Variants in WNT9B observed in about 807,000 individuals in gnomAD.
WNT9B encodes the protein Wnt family member 9B, also known as protein Wnt-9b.
WNT9B carries 12 observed loss-of-function variants against 30.2 expected under a neutral mutation model. That is an observed-to-expected ratio of 0.40 (90% CI 0.26 to 0.64). The LOEUF (loss-of-function observed/expected upper bound fraction) is 0.64. WNT9B is among the 30% of genes least tolerant of loss of function. The probability of loss-of-function intolerance (pLI) is 0.42; values close to 1 mark genes in which losing one functional copy is unlikely to be tolerated. For synonymous variants in WNT9B, 218 were observed against 216.9 expected (o/e 1.01, Z -0.05); for missense variants, 442 against 485.2 (o/e 0.91, Z 0.84).
rs1331523175 is a variant in WNT9B, at chr17:46,880,115, AGT to A, written c.*3399_*3400del. On this transcript the variant is annotated 3_prime_UTR_variant, in exon 4 of 4. Transcript: ENST00000290015. ...TGCATGTCCTCCTGCAGGCAGCTAG[AGT>A]GAGGGAGTCTAATGGACAGGATGCC... 6.6e-6 allele frequency among the ~76,000 whole-genome samples: 1 copy of A among 152,200 alleles called. No individual in the cohort carries two copies. Among genetic ancestry groups the A allele is most frequent in the East Asian group, 1.9e-4 (1 of 5,190 alleles).
At chr17:46,844,554 T>G (rs1428743550) in intron 1 of WNT9B, among the ~76,000 whole-genome samples, 1 of 152,102 alleles carries the variant, frequency 6.6e-6, no homozygotes, top group Non-Finnish European at 1.5e-5. Flanking sequence ...GGTGTGGTGG[T>G]GGCCGATTTC....
intron 1 of WNT9B, among the ~76,000 whole-genome samples, chr17:46,867,436 T>G (rs562087121): frequency 8.5e-5 from 13 of 152,178 alleles, no homozygotes; most frequent in Non-Finnish European, 1.6e-4. Context: ...GCTCAGTTGG[T>G]GAGGGGACAA....
upstream of WNT9B, among the ~76,000 whole-genome samples, chr17:46,849,919 C>T (rs996461696): frequency 6.7e-6 from 1 of 149,462 alleles, no homozygotes; most frequent in African/African-American, 2.5e-5. Context: ...GTGATTTCGG[C>T]TCACTGCAAC....
chr17:46,869,336 G>A (rs561013280), intron 1 of WNT9B, among the ~76,000 whole-genome samples: 1 of 152,282 alleles, frequency 6.6e-6, no homozygotes, highest in African/African-American at 2.4e-5. Context: ...GAGCTCCAAG[G>A]CAACACTGGC....
downstream of WNT9B, among the ~76,000 whole-genome samples, chr17:46,883,973 G>A (rs2085457853): frequency 6.6e-6 from 1 of 152,154 alleles, no homozygotes; most frequent in Non-Finnish European, 1.5e-5. Flanking sequence ...AGCCGTCTCA[G>A]GGGAGCTGAG....
rs1026238810 is a variant in WNT9B, at chr17:46,878,828, G to A, written c.*2110G>A. 6.6e-6 allele frequency among the ~76,000 whole-genome samples: 1 copy of A among 152,226 alleles called. No individual in the cohort carries two copies. The highest frequency in any genetic ancestry group is 2.4e-5 in the African/African-American group (1 of 41,470). The stretch of plus-strand genomic sequence containing the variant: ...TGGGAGGGCAAAGGGCAGGCTCTAA[G>A]GCATCTAGGCAGTGGCTGGCTGCTA... On this transcript the variant is annotated 3_prime_UTR_variant, in exon 4 of 4. Transcript: ENST00000290015.
Position 46,872,752 on chromosome 17 carries a change from A to G in WNT9B, c.313A>G (p.Arg105Gly), listed in dbSNP as rs145947242. ...GCGCTGGAACTGTAGCCTGGAGGGC[A>G]GGATGGGCCTGCTCAAGAGAGGTGG... ...HERWNCSLEG[R>G]MGLLKRGFKE... Residue 105 changes from arginine to glycine, a missense_variant, in exon 2 of 4, where the codon AGG (arginine) becomes GGG (glycine). Arg to Gly is a moderately radical substitution (Grantham distance 125). Transcript: ENST00000290015. 2.8e-6 allele frequency: 4 copies of G among 1,427,928 alleles called. No individual in the cohort carries two copies. Among genetic ancestry groups the G allele is most frequent in the African/African-American group, 1.5e-5 (1 of 68,810 alleles). The allele number at this position is 1,427,928 out of a possible 1,614,324, so 88.5% of individuals were successfully genotyped here.
At chr17:46,847,561 G>A (rs1461977663), upstream of WNT9B, among the ~76,000 whole-genome samples, 3 of 152,224 alleles carry the variant, frequency 2.0e-5, no homozygotes, top group African/African-American at 7.2e-5. Flanking sequence ...GGATGGGGAA[G>A]GACAGGGAGA....
chr17:46,884,601 T>C (rs890789503), downstream of WNT9B, among the ~76,000 whole-genome samples: 5 of 152,238 alleles, frequency 3.3e-5, no homozygotes, highest in African/African-American at 4.8e-5. Context: ...GTAGTTGTTT[T>C]GCGCAGGCTT....
At chr17:46,838,832 C>G (rs1365699749) in intron 1 of WNT9B, among the ~76,000 whole-genome samples, 17 of 152,062 alleles carry the variant, frequency 1.1e-4, no homozygotes, top group Admixed American at 8.5e-4. Flanking sequence ...GAGGGGATTA[C>G]TCACCATATA....
rs1391597010 is a variant in WNT9B, at chr17:46,879,158, T to C, written c.*2440T>C. Among the ~76,000 whole-genome samples, 4 of 152,250 alleles carry C rather than the reference T, an allele frequency of 2.6e-5. No individual in the cohort carries two copies. Among genetic ancestry groups the C allele is most frequent in the Non-Finnish European group, 5.9e-5 (4 of 68,052 alleles). On this transcript the variant is annotated 3_prime_UTR_variant, in exon 4 of 4. Transcript: ENST00000290015. ...ATATATGAGAAAGTATTTATATTAT[T>C]TATATAGTTGCTATATTTCACAGAC...
intron 1 of WNT9B, among the ~76,000 whole-genome samples, chr17:46,844,133 T>C (rs2084746296): frequency 6.6e-6 from 1 of 151,982 alleles, no homozygotes; most frequent in South Asian, 2.1e-4. Flanking sequence ...TTTTTTTTCT[T>C]TTTTGTATTA....
At chr17:46,883,957 C>T (rs1224804334), downstream of WNT9B, among the ~76,000 whole-genome samples, 4 of 152,164 alleles carry the variant, frequency 2.6e-5, no homozygotes, top group Non-Finnish European at 4.4e-5. Flanking sequence ...AGTGTGTTTA[C>T]GCTGGAGCCG....
At chr17:46,875,417 TG>T (rs1316770684) in intron 3 of WNT9B, 51 bp downstream of exon 3, 1 of 1,514,466 alleles carries the variant, frequency 6.6e-7, no homozygotes, top group Non-Finnish European at 8.9e-7. Flanking sequence ...GGTACACAGC[TG>T]GGGAGCATGG....
At position 46,851,592 on chromosome 17, in the gene WNT9B, C is replaced by A; in HGVS notation, c.-47C>A. 1.8e-6 allele frequency: 2 copies of A among 1,127,774 alleles called. No individual in the cohort carries two copies. The highest frequency in any genetic ancestry group is 2.2e-6 in the Non-Finnish European group (2 of 891,310). The allele number at this position is 1,127,774 out of a possible 1,614,324, so 69.9% of individuals were successfully genotyped here. ...GGGCGGGTGGTGGCGGAGCTGCGAG[C>A]TTGAGCGGCGCGAGGAGATGCTAGA... is the stretch of plus-strand genomic sequence containing the variant. On this transcript the variant is annotated 5_prime_UTR_variant, in exon 1 of 4. Transcript: ENST00000290015. This position sits in a 1 kb window ranked among gnomAD's most constrained non-coding sequence, Gnocchi z 4.3.
chr17:46,836,657 C>A (rs925430115), intron 1 of WNT9B, among the ~76,000 whole-genome samples: 1 of 152,168 alleles, frequency 6.6e-6, no homozygotes, highest in African/African-American at 2.4e-5. Context: ...TTGGGAAATT[C>A]ATTGATAAAA....
chr17:46,850,268 A>G (rs1041243541), upstream of WNT9B, among the ~76,000 whole-genome samples: 40 of 152,380 alleles, frequency 2.6e-4, no homozygotes, highest in African/African-American at 9.6e-4. Context: ...ACATTGGGCC[A>G]TGTGGCCTCA....
upstream of WNT9B, chr17:46,851,459 C>T (rs991669315): frequency 2.0e-5 from 6 of 305,882 alleles, no homozygotes; most frequent in African/African-American, 4.7e-5. The surrounding 1 kb of genome is among the most constrained non-coding windows in gnomAD (Gnocchi z 4.3). Context: ...GGGGCGAGGG[C>T]GGTGGGGCCA....
chr17:46,871,960 T>C (rs968539346), intron 1 of WNT9B, among the ~76,000 whole-genome samples: 1 of 152,222 alleles, frequency 6.6e-6, no homozygotes, highest in Admixed American at 6.5e-5. Flanking sequence ...ACAGGATTAC[T>C]TGGGCAGCAG....
Sources: allele counts gnomAD v4.1 joint callset (sites outside exome capture counted in the v4.1 genomes callset), GRCh38; gene constraint gnomAD v4.1.1; non-coding constraint Gnocchi (gnomAD v3.1); transcripts MANE v1.5; gene names NCBI Gene and HGNC (gene_info 2026-07-23, HGNC 2026-07-21).